BAZ1A: variants seen among roughly 807,000 people sequenced by gnomAD.
BAZ1A encodes the protein bromodomain adjacent to zinc finger domain 1A, also known as bromodomain adjacent to zinc finger domain protein 1A.
A neutral mutation model predicts 185.2 loss-of-function variants in BAZ1A; 50 were observed. The ratio of observed to expected loss-of-function variants is 0.27; its 90% confidence interval spans 0.22 to 0.34. The LOEUF (loss-of-function observed/expected upper bound fraction) is 0.34. Among genes scored for constraint, BAZ1A ranks in the 10% least tolerant of loss-of-function variants. BAZ1A has a pLI of 1.00. For synonymous variants in BAZ1A, 571 were observed against 615.6 expected (o/e 0.93, Z 1.07); for missense variants, 1,356 against 1,839.9 (o/e 0.74, Z 4.81).
Position 34,840,344 on chromosome 14 carries a change from TTCTC to T in BAZ1A, c.393-14192_393-14189del, listed in dbSNP as rs1442779250. 2.0e-5 allele frequency among the ~76,000 whole-genome samples: 3 copies of T among 152,318 alleles called. No individual in the cohort carries two copies. In the East Asian group the frequency reaches 5.8e-4, roughly 29 times the overall value. ...CAGAAAGAAGCATTATACCGGTGTTTTCTCTCTTACAACCTGAGTTAGTCAAATC... is the reference window on the plus strand; with the variant it reads ...CAGAAAGAAGCATTATACCGGTGTTTTCTTACAACCTGAGTTAGTCAAATC... On this transcript the variant is annotated intron_variant, in intron 3 of 26. Transcript: ENST00000360310.
chr14:34,785,093 T>A (rs1231163853), intron 14 of BAZ1A, among the ~76,000 whole-genome samples: 2 of 152,158 alleles, frequency 1.3e-5, no homozygotes, highest in Non-Finnish European at 2.9e-5. Context: ...TGACCTCAGG[T>A]GATCTGCCCA....
At chr14:34,778,853 T>C (rs1879843631) in intron 17 of BAZ1A, among the ~76,000 whole-genome samples, 1 of 152,116 alleles carries the variant, frequency 6.6e-6, no homozygotes, top group Non-Finnish European at 1.5e-5. Context: ...TTCTTTACTA[T>C]ATTTTTATTT....
intron 8 of BAZ1A, among the ~76,000 whole-genome samples, 198 bp downstream of exon 8, chr14:34,800,895 GA>G (rs1881494240): frequency 6.6e-6 from 1 of 152,160 alleles, no homozygotes; most frequent in African/African-American, 2.4e-5. Context: ...GCAAGACCAT[GA>G]AATTTAAAGA....
At position 34,759,184 on chromosome 14, in the gene BAZ1A, T is replaced by TTTGTTTTTTTTTG. The variant is rs1555336961; in HGVS notation, c.4244-339_4244-338insCAAAAAAAAACAA. On this transcript the variant is annotated intron_variant, in intron 24 of 26. Coordinates refer to ENST00000360310, the MANE Select transcript of BAZ1A (RefSeq NM_013448.3). Reference sequence around the variant, plus strand: ...TTTACAGCTACAGTTTTTTTTTTTTTTTTTTTTTTTTTTTGAGATGGAGTC... The same window carrying TTTGTTTTTTTTTG: ...TTTACAGCTACAGTTTTTTTTTTTTTTTGTTTTTTTTTGTTTTTTTTTTTTTTGAGATGGAGTC... Among the ~76,000 whole-genome samples, 72 of 108,108 alleles carry TTTGTTTTTTTTTG rather than the reference T, an allele frequency of 6.7e-4. 1 individual carries two copies. In the East Asian group the frequency reaches 9.1e-3, roughly 14 times the overall value. 70.9% of individuals were successfully genotyped at this position (108,108 alleles called of 152,430 possible).
At chr14:34,809,892 TAAA>T (rs1455513698) in intron 5 of BAZ1A, among the ~76,000 whole-genome samples, 2 of 152,172 alleles carry the variant, frequency 1.3e-5, no homozygotes, top group Non-Finnish European at 2.9e-5. Context: ...CATTAGCCCA[TAAA>T]CTAAACAAAT....
In BAZ1A at chr14:34,756,115, CTTTTTTT is replaced by C. The variant is rs548364033; in HGVS notation, c.4387-1208_4387-1202del. Among the ~76,000 whole-genome samples, 39 of 127,402 alleles carry C rather than the reference CTTTTTTT, an allele frequency of 3.1e-4. No individual in the cohort carries two copies. The South Asian group carries it at 4.4e-3, about 14-fold the overall frequency. The allele number at this position is 127,402 out of a possible 152,430, so 83.6% of individuals were successfully genotyped here. ...CTCAGCCTCCCAAACTGGTTTTTTTCTTTTTTTTTTTTTTTTGAGACAGAGTCTCACT... is the reference window on the plus strand; with the variant it reads ...CTCAGCCTCCCAAACTGGTTTTTTTCTTTTTTTTTGAGACAGAGTCTCACT... On this transcript the variant is annotated intron_variant, in intron 25 of 26. Coordinates refer to ENST00000360310, the MANE Select transcript of BAZ1A (RefSeq NM_013448.3).
chr14:34,854,850 T>C (rs1043720361), intron 3 of BAZ1A, among the ~76,000 whole-genome samples: 3 of 151,984 alleles, frequency 2.0e-5, no homozygotes, highest in African/African-American at 7.2e-5. Context: ...GAGGCTGAGG[T>C]TGGCGGATCA....
intron 17 of BAZ1A, among the ~76,000 whole-genome samples, chr14:34,779,423 G>T (rs1420628777): frequency 1.3e-5 from 2 of 151,984 alleles, no homozygotes; most frequent in Admixed American, 1.3e-4. Flanking sequence ...TATTTAGAAA[G>T]TATGTTTTAA....
intron 12 of BAZ1A, among the ~76,000 whole-genome samples, chr14:34,788,184 A>G (rs1462869400): frequency 6.6e-6 from 1 of 151,832 alleles, no homozygotes; most frequent in Non-Finnish European, 1.5e-5. Context: ...CGCCTGGCTA[A>G]TTTTTGTATT....
intron 3 of BAZ1A, among the ~76,000 whole-genome samples, chr14:34,830,654 G>T (rs566883240): frequency 1.3e-5 from 2 of 151,558 alleles, no homozygotes; most frequent in Admixed American, 6.6e-5. Flanking sequence ...TTTATGGTAT[G>T]TGAAATATAT....
intron 6 of BAZ1A, among the ~76,000 whole-genome samples, chr14:34,805,401 T>G (rs2138665341): frequency 6.6e-6 from 1 of 152,360 alleles, no homozygotes; most frequent in South Asian, 2.1e-4. Flanking sequence ...AAATATTTGC[T>G]GATGTCTTTC....
rs1190389640 is a variant in BAZ1A, at chr14:34,753,497, G to A, written c.*11C>T. 1 of 1,613,602 alleles carries A rather than the reference G, an allele frequency of 6.2e-7. No individual in the cohort carries two copies. Among genetic ancestry groups the A allele is most frequent in the Admixed American group, 1.7e-5 (1 of 59,980 alleles). ...TGTTTTTCTTCAAATATATCCTTTAGAAGGACAAAGTCAGATTCGTGACTT... is the reference window on the plus strand; with the variant it reads ...TGTTTTTCTTCAAATATATCCTTTAAAAGGACAAAGTCAGATTCGTGACTT... On this transcript the variant is annotated 3_prime_UTR_variant, in exon 27 of 27. Coordinates refer to ENST00000360310, the MANE Select transcript of BAZ1A (RefSeq NM_013448.3).
At chr14:34,773,805 T>G in intron 19 of BAZ1A, 79 bp from the exon 20 acceptor site, 1 of 1,296,780 alleles carries the variant, frequency 7.7e-7, no homozygotes, top group Non-Finnish European at 1.1e-6. Context: ...AATATGCATA[T>G]AAAATCAATT....
At chr14:34,801,231 A>G in intron 7 of BAZ1A, 38 bp from the exon 8 acceptor site, 1 of 1,459,902 alleles carries the variant, frequency 6.8e-7, no homozygotes, top group Non-Finnish European at 9.4e-7. Context: ...TGGTTCTTAT[A>G]GTAAGAATAA....
intron 4 of BAZ1A, among the ~76,000 whole-genome samples, chr14:34,819,479 G>T (rs187325837): frequency 3.3e-5 from 5 of 152,190 alleles, no homozygotes. Context: ...ATTGTATAAT[G>T]TATATAGGCA....
intron 21 of BAZ1A, chr14:34,771,299 G>A: frequency 2.0e-6 from 1 of 498,148 alleles, no homozygotes; most frequent in Middle Eastern, 5.5e-4. Flanking sequence ...GTGCCTAGCT[G>A]GTAATCTTTC....
chr14:34,780,976 TAGA>T (rs1316962777), intron 16 of BAZ1A, among the ~76,000 whole-genome samples: 1 of 151,684 alleles, frequency 6.6e-6, no homozygotes, highest in Non-Finnish European at 1.5e-5. Flanking sequence ...TGGCTTAGAG[TAGA>T]AGGAGAGAAG....
chr14:34,795,883 G>T, intron 9 of BAZ1A, 118 bp from the exon 10 acceptor site: 1 of 692,352 alleles, frequency 1.4e-6, no homozygotes, highest in Non-Finnish European at 2.4e-6. Context: ...ACCTACTGAA[G>T]CAGTAACTCT....
rs1379077587 is a variant in BAZ1A, at chr14:34,759,182, T to TG, written c.4244-337_4244-336insC. On this transcript the variant is annotated intron_variant, in intron 24 of 26. Transcript: ENST00000360310. ...ACTTTACAGCTACAGTTTTTTTTTT[T>TG]TTTTTTTTTTTTTTTTGAGATGGAG... is the stretch of plus-strand genomic sequence containing the variant. 9.3e-4 allele frequency among the ~76,000 whole-genome samples: 111 copies of TG among 119,094 alleles called. 1 individual carries two copies. Among genetic ancestry groups the TG allele is most frequent in the East Asian group, 5.0e-3 (21 of 4,218 alleles). 78.1% of individuals were successfully genotyped at this position (119,094 alleles called of 152,430 possible).
Sources: gnomAD v4.1 joint callset for allele counts (sites outside exome capture counted in the v4.1 genomes callset) on GRCh38, gnomAD v4.1.1 for gene constraint, MANE v1.5 for transcripts, NCBI Gene and HGNC (gene_info 2026-07-23, HGNC 2026-07-21) for gene names.